CADM2: variants seen among roughly 807,000 people sequenced by gnomAD.
CADM2 encodes cell adhesion molecule 2.
A neutral mutation model predicts 49.8 loss-of-function variants in CADM2; 12 were observed. That is an observed-to-expected ratio of 0.24 (90% CI 0.15 to 0.39). The LOEUF is 0.39. CADM2 is among the 10% of genes least tolerant of loss of function. The probability of loss-of-function intolerance (pLI) is 1.00; values close to 1 mark genes in which losing one functional copy is unlikely to be tolerated. For missense variants in CADM2, 378 were observed against 492.3 expected (o/e 0.77, Z 2.20); for synonymous variants, 214 against 175.4 (o/e 1.22, Z -1.74).
chr3:85,525,101 C>A (rs1308165856), intron 1 of CADM2, among the ~76,000 whole-genome samples: 1 of 151,980 alleles, frequency 6.6e-6, no homozygotes, highest in Non-Finnish European at 1.5e-5. Flanking sequence ...CACCTGTATA[C>A]CTAGGTAACA....
At chr3:85,147,013 C>G (rs1464888854) in intron 1 of CADM2, among the ~76,000 whole-genome samples, 1 of 151,990 alleles carries the variant, frequency 6.6e-6, no homozygotes, top group Non-Finnish European at 1.5e-5. Context: ...TGGCTCACGC[C>G]TGTAACCCCA....
intron 1 of CADM2, among the ~76,000 whole-genome samples, chr3:85,323,094 C>A (rs1458413668): frequency 2.0e-5 from 3 of 152,062 alleles, no homozygotes; most frequent in Admixed American, 1.3e-4. Context: ...GTCTTTTTCA[C>A]TCCTCTAACA....
chr3:85,929,834 T>G (rs1720373198), intron 6 of CADM2, among the ~76,000 whole-genome samples: 1 of 152,026 alleles, frequency 6.6e-6, no homozygotes, highest in Non-Finnish European at 1.5e-5. Context: ...GATATCTTAC[T>G]AAAATGTTTT....
chr3:85,511,901 A>G, intron 1 of CADM2: 2 of 975,206 alleles, frequency 2.1e-6, no homozygotes, highest in Non-Finnish European at 2.4e-6. Context: ...GCATCAAGGT[A>G]AAACAAGAAA....
chr3:85,853,186 A>G (rs2075172844), intron 3 of CADM2, among the ~76,000 whole-genome samples: 1 of 151,992 alleles, frequency 6.6e-6, no homozygotes, highest in African/African-American at 2.4e-5. Context: ...ATGACTGAGC[A>G]GCTGAGAAAG....
chr3:85,466,651 T>C (rs575608777), intron 1 of CADM2, among the ~76,000 whole-genome samples: 101 of 152,094 alleles, frequency 6.6e-4, no homozygotes, highest in Non-Finnish European at 8.5e-4. Context: ...TACATAAAAA[T>C]AGGAAGACAT....
At chr3:85,383,139 G>A (rs1177665741) in intron 1 of CADM2, among the ~76,000 whole-genome samples, 6 of 152,142 alleles carry the variant, frequency 3.9e-5, no homozygotes, top group Non-Finnish European at 1.5e-5. Flanking sequence ...CAATCCAGCT[G>A]TTCCTGCATC....
intron 1 of CADM2, among the ~76,000 whole-genome samples, chr3:85,022,489 G>T (rs765461): frequency 0.74 from 112,903 of 152,062 alleles, 43,352 homozygotes; most frequent in African/African-American, 0.93. Context: ...TTGTTAGTTA[G>T]TTAGTTCTCA....
intron 1 of CADM2, among the ~76,000 whole-genome samples, chr3:85,671,174 T>A (rs2016205919): frequency 6.6e-6 from 1 of 152,210 alleles, no homozygotes; most frequent in Admixed American, 6.5e-5. Flanking sequence ...TCTATTAAAT[T>A]GCATTTTTTC....
chr3:85,366,250 T>C (rs1351940821), intron 1 of CADM2, among the ~76,000 whole-genome samples: 1 of 152,188 alleles, frequency 6.6e-6, no homozygotes, highest in African/African-American at 2.4e-5. Context: ...AAAGTGATGA[T>C]TGAGGCATTG....
intron 1 of CADM2, among the ~76,000 whole-genome samples, chr3:85,366,550 C>CTTT (rs1427610556): frequency 6.6e-6 from 1 of 151,976 alleles, no homozygotes; most frequent in Admixed American, 6.6e-5. Context: ...ATTTTTAAGG[C>CTTT]TTTTATCAGG....
At chr3:85,830,075 T>A (rs1321307863) in intron 3 of CADM2, among the ~76,000 whole-genome samples, 2 of 152,080 alleles carry the variant, frequency 1.3e-5, no homozygotes, top group African/African-American at 2.4e-5. Context: ...ACTTTTCTTT[T>A]TATTTTTGAG....
intron 8 of CADM2, among the ~76,000 whole-genome samples, chr3:85,984,149 A>T (rs1727803860): frequency 6.7e-6 from 1 of 150,182 alleles, no homozygotes; most frequent in South Asian, 2.1e-4. Context: ...TATATTATAT[A>T]TCATATGTGT....
intron 1 of CADM2, among the ~76,000 whole-genome samples, chr3:85,347,052 G>A (rs1459619539): frequency 6.6e-6 from 1 of 151,532 alleles, no homozygotes; most frequent in Non-Finnish European, 1.5e-5. Context: ...GCGAAATCCC[G>A]TCTCTACTAA....
At chr3:85,912,328 T>C in intron 5 of CADM2, 45 bp from the exon 6 acceptor site, 1 of 1,445,878 alleles carries the variant, frequency 6.9e-7, no homozygotes, top group African/African-American at 1.4e-5. Flanking sequence ...CAATCTGTTT[T>C]ATTTTGAAAG....
At chr3:85,113,801 A>G (rs993776607) in intron 1 of CADM2, among the ~76,000 whole-genome samples, 1 of 151,732 alleles carries the variant, frequency 6.6e-6, no homozygotes, top group African/African-American at 2.4e-5. Context: ...AGGAAGAAGT[A>G]CACTTAGAAT....
intron 1 of CADM2, among the ~76,000 whole-genome samples, chr3:85,230,865 CTG>C (rs1448194655): frequency 1.3e-5 from 2 of 152,042 alleles, no homozygotes; most frequent in East Asian, 1.9e-4. Context: ...AGGAGGAAAA[CTG>C]TATGTTATTT....
chr3:85,562,180 A>AT (rs1435730555), intron 1 of CADM2, among the ~76,000 whole-genome samples: 2 of 152,130 alleles, frequency 1.3e-5, no homozygotes, highest in Non-Finnish European at 2.9e-5. Flanking sequence ...TCTCCTCGTA[A>AT]CAACATTAAT....
At chr3:86,057,237 G>A (rs973846595) in intron 8 of CADM2, among the ~76,000 whole-genome samples, 3 of 152,070 alleles carry the variant, frequency 2.0e-5, no homozygotes, top group Admixed American at 6.6e-5. Context: ...CACAAGTTAT[G>A]TATAACTGTT....
Sources: gnomAD v4.1 joint callset for allele counts (sites outside exome capture counted in the v4.1 genomes callset) on GRCh38, gnomAD v4.1.1 for gene constraint, MANE v1.5 for transcripts, NCBI Gene and HGNC (gene_info 2026-07-23, HGNC 2026-07-21) for gene names.